KIAA1549L: variants seen among roughly 807,000 people sequenced by gnomAD.
The protein encoded by KIAA1549L is UPF0606 protein KIAA1549L.
KIAA1549L carries 88 observed loss-of-function variants against 160.7 expected under a neutral mutation model. That is an observed-to-expected ratio of 0.55 (90% CI 0.46 to 0.65). The LOEUF (loss-of-function observed/expected upper bound fraction) is 0.65, where lower values mean the gene tolerates loss of function less well. KIAA1549L is among the 30% of genes least tolerant of loss of function. The pLI, the probability that KIAA1549L is intolerant of heterozygous loss-of-function variation, is 0.00. For missense variants in KIAA1549L, 2,258 were observed against 2,437.5 expected (o/e 0.93, Z 1.55); for synonymous variants, 950 against 976.7 (o/e 0.97, Z 0.51).
intron 17 of KIAA1549L, 31 bp from the exon 18 acceptor site, chr11:33,655,981 A>T (rs779922072): frequency 1.3e-6 from 2 of 1,519,030 alleles, no homozygotes; most frequent in African/African-American, 1.4e-5. Context: ...GGTGTTAACA[A>T]CTCTCCCTGT....
rs200527481 is a variant in KIAA1549L, at chr11:33,543,381, T to A, written c.1818T>A (p.Ser606Arg). The A allele has an allele frequency of 9.2e-5, 148 of 1,614,040 alleles. No homozygotes were observed. The African/African-American group carries it at 1.7e-3, about 18-fold the overall frequency. Residue 606 changes from serine (S) to arginine (R), a missense_variant, in exon 2 of 21, where the codon AGT (serine) becomes AGA (arginine). Around this residue, in one of 6 missense-constraint regions of KIAA1549L, gnomAD observed 540 missense variants for 465.7 expected, o/e 1.16. Transcript: ENST00000658780. ...NGFVSDFSTG[S>R]VSSPIITAPR... ...TTGTCTCTGATTTCAGCACCGGTAG[T>A]GTCTCATCTCCCATCATTACAGCAC... is the stretch of plus-strand genomic sequence containing the variant.
chr11:33,550,030 CAAAA>C (rs529117905), intron 4 of KIAA1549L, among the ~76,000 whole-genome samples: 6 of 131,204 alleles, frequency 4.6e-5, no homozygotes, highest in South Asian at 2.3e-4. Flanking sequence ...AAAAAACAAA[CAAAA>C]AAAGAAACAA....
intron 17 of KIAA1549L, among the ~76,000 whole-genome samples, chr11:33,648,783 C>T (rs909626839): frequency 6.6e-6 from 1 of 151,990 alleles, no homozygotes; most frequent in South Asian, 2.1e-4. Context: ...AAACATCCTA[C>T]AGCCTTCCTG....
intron 1 of KIAA1549L, among the ~76,000 whole-genome samples, chr11:33,521,528 T>A (rs1853493389): frequency 6.6e-6 from 1 of 152,256 alleles, no homozygotes; most frequent in Non-Finnish European, 1.5e-5. Context: ...GGAAGTTTCA[T>A]GTCTGGCATG....
At chr11:33,416,542 C>T (rs1850893157) in intron 1 of KIAA1549L, among the ~76,000 whole-genome samples, 1 of 151,862 alleles carries the variant, frequency 6.6e-6, no homozygotes, top group Non-Finnish European at 1.5e-5. Flanking sequence ...ATAGCATTTA[C>T]ATTTCATTAG....
chr11:33,493,757 G>T (rs1852752023), intron 1 of KIAA1549L, among the ~76,000 whole-genome samples: 1 of 152,206 alleles, frequency 6.6e-6, no homozygotes, highest in African/African-American at 2.4e-5. Flanking sequence ...GTTGGGTAAG[G>T]CTGGTAACCA....
At chr11:33,568,721 G>A (rs965224336) in intron 9 of KIAA1549L, among the ~76,000 whole-genome samples, 13 of 152,150 alleles carry the variant, frequency 8.5e-5, no homozygotes, top group Admixed American at 7.2e-4. Context: ...ACCTGGCCAC[G>A]TAGAGATTTA....
At chr11:33,391,347 A>G (rs891076082) in intron 1 of KIAA1549L, among the ~76,000 whole-genome samples, 1 of 152,022 alleles carries the variant, frequency 6.6e-6, no homozygotes. Flanking sequence ...CTTTGCTGTC[A>G]TCATGTCATC....
chr11:33,473,781 C>T (rs1389540879), intron 1 of KIAA1549L, among the ~76,000 whole-genome samples: 1 of 152,126 alleles, frequency 6.6e-6, no homozygotes, highest in Admixed American at 6.5e-5. Flanking sequence ...CCTATCTTCT[C>T]CACTGGTCAA....
intron 12 of KIAA1549L, among the ~76,000 whole-genome samples, chr11:33,593,705 G>A (rs1850125513): frequency 6.6e-6 from 1 of 152,194 alleles, no homozygotes; most frequent in South Asian, 2.1e-4. Context: ...TTGTGTTGGG[G>A]GATACTGGAG....
At chr11:33,661,879 C>CAAA (rs59140753) in intron 20 of KIAA1549L, among the ~76,000 whole-genome samples, 7 of 36,322 alleles carry the variant, frequency 1.9e-4, no homozygotes, top group East Asian at 7.1e-4. Flanking sequence ...GACTATGTCT[C>CAAA]AAAAAAAAAA....
At chr11:33,606,525 T>G in intron 13 of KIAA1549L, 116 bp from the exon 14 acceptor site, 88 of 958,496 alleles carry the variant, frequency 9.2e-5, no homozygotes, top group East Asian at 2.4e-4. Context: ...ATGCTGTCGT[T>G]TCTGAGGTTG....
chr11:33,474,730 C>T (rs1294123690), intron 1 of KIAA1549L, among the ~76,000 whole-genome samples: 1 of 152,172 alleles, frequency 6.6e-6, no homozygotes, highest in African/African-American at 2.4e-5. Context: ...GCAAAGAGTA[C>T]TGCATAGAAA....
chr11:33,539,700 C>G (rs1414623105), intron 1 of KIAA1549L, among the ~76,000 whole-genome samples: 1 of 152,154 alleles, frequency 6.6e-6, no homozygotes, highest in African/African-American at 2.4e-5. Flanking sequence ...TCCGGAGAGT[C>G]TTCCTCCAGC....
intron 8 of KIAA1549L, among the ~76,000 whole-genome samples, chr11:33,566,102 A>C (rs969223929): frequency 1.3e-5 from 2 of 152,210 alleles, no homozygotes; most frequent in Admixed American, 1.3e-4. Context: ...CAGTGGGATC[A>C]GGTATATCCA....
At position 33,670,560 on chromosome 11, in the gene KIAA1549L, A is replaced by G. The variant is rs146913216; in HGVS notation, c.*2406A>G. On this transcript the variant is annotated 3_prime_UTR_variant, in exon 21 of 21. Transcript: ENST00000658780. ...ATGAGAGGAAAACCTTAAGTTGGAAAGAAATCAGTCTGTTCATGTTATCCC... is the reference window on the plus strand; with the variant it reads ...ATGAGAGGAAAACCTTAAGTTGGAAGGAAATCAGTCTGTTCATGTTATCCC... 9 of 152,364 alleles carry G rather than the reference A, an allele frequency of 5.9e-5. No homozygotes were observed. Among genetic ancestry groups the G allele is most frequent in the African/African-American group, 2.2e-4 (9 of 41,588 alleles). 9.4% of individuals were successfully genotyped at this position (152,364 alleles called of 1,614,324 possible).
intron 1 of KIAA1549L, among the ~76,000 whole-genome samples, chr11:33,383,668 C>A (rs1037523789): frequency 6.6e-6 from 1 of 152,140 alleles, no homozygotes; most frequent in African/African-American, 2.4e-5. Context: ...ACAAGAAACT[C>A]TCACTCGGGC....
chr11:33,467,097 AC>A (rs1288145217), intron 1 of KIAA1549L, among the ~76,000 whole-genome samples: 1 of 152,192 alleles, frequency 6.6e-6, no homozygotes, highest in Non-Finnish European at 1.5e-5. Flanking sequence ...GTGCACATGT[AC>A]CCTAGAACTT....
rs550602254 is a variant in KIAA1549L, at chr11:33,606,643, C to A, written c.4882C>A (p.Pro1628Thr). Residue 1628 changes from proline to threonine, a missense_variant and splice_region_variant, in exon 14 of 21, where the codon CCA becomes ACA. Physicochemically the swap from Pro to Thr is conservative, Grantham distance 38. Coordinates refer to ENST00000658780, the MANE Select transcript of KIAA1549L (RefSeq NM_012194.3). ...GATGTGTTTATGTTGTGCTTCAGTGCCAGCGAGTGACGAAGAGGAGGGAGC... is the reference window on the plus strand; with the variant it reads ...GATGTGTTTATGTTGTGCTTCAGTGACAGCGAGTGACGAAGAGGAGGGAGC... ...TKEEARKRNV[P>T]ASDEEEGAVL... The A allele has an allele frequency of 6.2e-7, 1 of 1,613,542 alleles. No homozygotes were observed. Among genetic ancestry groups the A allele is most frequent in the African/African-American group, 1.3e-5 (1 of 75,036 alleles).
Sources: allele counts gnomAD v4.1 joint callset (sites outside exome capture counted in the v4.1 genomes callset), GRCh38; gene constraint gnomAD v4.1.1; regional missense constraint gnomAD v4.1.1; transcripts MANE v1.5; gene names NCBI Gene and HGNC (gene_info 2026-07-23, HGNC 2026-07-21).